The following PITPNM3 variants were observed in gnomAD, a reference collection of about 807,000 sequenced individuals.
The protein encoded by PITPNM3 is PITPNM family member 3.
PITPNM3 carries 26 observed loss-of-function variants against 102.0 expected under a neutral mutation model. That is an observed-to-expected ratio of 0.25 (90% CI 0.19 to 0.35). The LOEUF is 0.35. PITPNM3 is among the 10% of genes least tolerant of loss of function. PITPNM3 has a pLI of 1.00. For synonymous variants in PITPNM3, 578 were observed against 558.6 expected (o/e 1.03, Z -0.49); for missense variants, 1,083 against 1,346.1 (o/e 0.80, Z 3.06).
intron 4 of PITPNM3, among the ~76,000 whole-genome samples, chr17:6,486,630 T>G (rs1424243424): frequency 6.6e-6 from 1 of 152,228 alleles, no homozygotes; most frequent in African/African-American, 2.4e-5. Flanking sequence ...AAACTCGTCC[T>G]GGGGCCCGGC....
intron 2 of PITPNM3, among the ~76,000 whole-genome samples, chr17:6,536,858 C>T (rs565674648): frequency 6.6e-6 from 1 of 152,310 alleles, no homozygotes. Flanking sequence ...CAGAGTGGGG[C>T]CACGCAGGCC....
chr17:6,532,811 G>A (rs1456812741), intron 2 of PITPNM3, among the ~76,000 whole-genome samples: 2 of 151,908 alleles, frequency 1.3e-5, no homozygotes, highest in African/African-American at 4.8e-5. Context: ...TTTTTCTTGG[G>A]GAAATGCCAA....
rs892851831 is a variant in PITPNM3 at position 6,517,523 on chromosome 17, T to A, written c.226+7833A>T. 2.0e-5 allele frequency among the ~76,000 whole-genome samples: 3 copies of A among 152,156 alleles called. No homozygotes were observed. The highest frequency in any genetic ancestry group is 7.2e-5 in the African/African-American group (3 of 41,432). ...GGATAGCATAGATAGAGCTACTGAC[T>A]TAATCCAAACCCTGGTAGAAAATGC... On this transcript the variant is annotated intron_variant, in intron 3 of 19. Coordinates refer to ENST00000262483, the MANE Select transcript of PITPNM3 (RefSeq NM_031220.4). The surrounding 1 kb of genome is among the most constrained non-coding windows in gnomAD (Gnocchi z 4.1).
At chr17:6,486,810 T>C (rs1906121773) in intron 4 of PITPNM3, among the ~76,000 whole-genome samples, 1 of 152,246 alleles carries the variant, frequency 6.6e-6, no homozygotes, top group Non-Finnish European at 1.5e-5. Flanking sequence ...GCACTTATTA[T>C]GTCCTGGGCA....
chr17:6,514,334 C>G (rs1237946761), intron 3 of PITPNM3, among the ~76,000 whole-genome samples: 1 of 151,656 alleles, frequency 6.6e-6, no homozygotes, highest in Non-Finnish European at 1.5e-5. Flanking sequence ...TAAAGACAAC[C>G]CACAAAATGG....
At chr17:6,498,552 C>CGGGAGGCA (rs886499499) in intron 4 of PITPNM3, among the ~76,000 whole-genome samples, 8 of 152,058 alleles carry the variant, frequency 5.3e-5, no homozygotes, top group East Asian at 3.9e-4. Flanking sequence ...GCAGGGAGGC[C>CGGGAGGCA]GGGAGGCAGG....
At chr17:6,495,298 A>C (rs1490065930) in intron 4 of PITPNM3, among the ~76,000 whole-genome samples, 1 of 152,080 alleles carries the variant, frequency 6.6e-6, no homozygotes, top group Non-Finnish European at 1.5e-5. Context: ...TTTAGATACC[A>C]ATTTATATCT....
chr17:6,470,240 C>G lies in PITPNM3; in HGVS notation c.1773+20G>C. On this transcript the variant is annotated intron_variant, in intron 13 of 19. Transcript: ENST00000262483. The surrounding 1 kb of genome is among the most constrained non-coding windows in gnomAD (Gnocchi z 4.8). ...CCCTTGGGGTGGCTGTGGGCAGGCC[C>G]GCGACTGCGGCAGCAGTACCTGTCT... 6.3e-7 allele frequency: 1 copy of G among 1,585,028 alleles called. No homozygotes were observed. The highest frequency in any genetic ancestry group is 8.6e-7 in the Non-Finnish European group (1 of 1,165,476).
intron 10 of PITPNM3, among the ~76,000 whole-genome samples, chr17:6,473,840 C>T (rs1597369518): frequency 6.6e-6 from 1 of 151,864 alleles, no homozygotes; most frequent in Non-Finnish European, 1.5e-5. Flanking sequence ...AGCTGGGCGT[C>T]ATGGTGGGTG....
chr17:6,505,103 G>C (rs931356066), intron 3 of PITPNM3, among the ~76,000 whole-genome samples: 1 of 151,592 alleles, frequency 6.6e-6, no homozygotes, highest in African/African-American at 2.4e-5. Flanking sequence ...TTGAACCCAG[G>C]AGGTGGAGGT....
chr17:6,452,997 TTCCTTTC>T lies in PITPNM3; in HGVS notation c.*2334_*2340del, dbSNP rs879109172. On this transcript the variant is annotated 3_prime_UTR_variant, in exon 20 of 20. Coordinates refer to ENST00000262483, the MANE Select transcript of PITPNM3 (RefSeq NM_031220.4). ...CTCTTCCTCTCTCTCTCTCTCTGTC[TTCCTTTC>T]TCTCTCTCTCTCTCTCTCTGCCTTC... 16 of 73,036 alleles carry T rather than the reference TTCCTTTC, an allele frequency of 2.2e-4. No homozygotes were observed. The South Asian group carries it at 8.7e-3, about 40-fold the overall frequency. The allele number at this position is 73,036 out of a possible 1,614,324, so 4.5% of individuals were successfully genotyped here.
intron 5 of PITPNM3, 45 bp from the exon 6 acceptor site, chr17:6,483,797 G>T: frequency 6.4e-7 from 1 of 1,554,100 alleles, no homozygotes; most frequent in Non-Finnish European, 8.8e-7. Flanking sequence ...GGCGGCTGGG[G>T]TCGGGGGAGG....
intron 14 of PITPNM3, among the ~76,000 whole-genome samples, chr17:6,467,029 C>T (rs1450685263): frequency 7.2e-6 from 1 of 139,164 alleles, no homozygotes; most frequent in Non-Finnish European, 1.5e-5. Context: ...CACCACTGCA[C>T]TCCAGCCTGG....
At chr17:6,488,844 T>C (rs980837073) in intron 4 of PITPNM3, among the ~76,000 whole-genome samples, 7 of 152,178 alleles carry the variant, frequency 4.6e-5, no homozygotes, top group African/African-American at 1.2e-4. Context: ...TTCCTGTTAA[T>C]TTCTGTTTGC....
intron 3 of PITPNM3, among the ~76,000 whole-genome samples, chr17:6,522,650 G>T (rs1045063430): frequency 6.6e-6 from 1 of 152,172 alleles, no homozygotes; most frequent in Non-Finnish European, 1.5e-5. Context: ...GCAGGGGAGG[G>T]GGGCCTGGAA....
chr17:6,493,892 G>A (rs1906644256), intron 4 of PITPNM3, among the ~76,000 whole-genome samples: 1 of 152,230 alleles, frequency 6.6e-6, no homozygotes, highest in Non-Finnish European at 1.5e-5. Flanking sequence ...GGGGATCCCA[G>A]TTCAGATCAG....
intron 3 of PITPNM3, among the ~76,000 whole-genome samples, chr17:6,506,074 C>A (rs12939585): frequency 0.24 from 36,429 of 151,858 alleles, 4,675 homozygotes; most frequent in East Asian, 0.38. Context: ...GGAAGGAAGG[C>A]AGGAAGCCCA....
At position 6,457,854 on chromosome 17, in the gene PITPNM3, C is replaced by A. The variant is rs149247929; in HGVS notation, c.2491-132G>T. 7.8e-4 allele frequency: 1,020 copies of A among 1,309,550 alleles called. 4 individuals carry two copies. In the Middle Eastern group the frequency reaches 7.9e-3, roughly 10 times the overall value. 81.1% of individuals were successfully genotyped at this position (1,309,550 alleles called of 1,614,324 possible). A position where few individuals can be genotyped will look rare whatever the true frequency, so the allele number is the denominator to read the frequency against. Reference sequence around the variant, plus strand: ...CTCTGGTAGACTCCAAGCCATGGGGCCACCCTGTGTCAGGAATGAACCCTC... The same window carrying A: ...CTCTGGTAGACTCCAAGCCATGGGGACACCCTGTGTCAGGAATGAACCCTC... On this transcript the variant is annotated intron_variant, in intron 18 of 19. Transcript: ENST00000262483. This position sits in a 1 kb window ranked among gnomAD's most constrained non-coding sequence, Gnocchi z 4.7.
In PITPNM3 at chr17:6,454,957, G is replaced by A. The variant is rs1317974772; in HGVS notation, c.*381C>T. On this transcript the variant is annotated 3_prime_UTR_variant, in exon 20 of 20. Transcript: ENST00000262483. ...CCAGCGGCGCTTGGTGCCGAGGCTG[G>A]GGCTGCCCCCTTGAGGGCCTGCCTA... 1 of 250,472 alleles carries A rather than the reference G, an allele frequency of 4.0e-6. No individual in the cohort carries two copies. The highest frequency in any genetic ancestry group is 7.7e-6 in the Non-Finnish European group (1 of 130,604). The allele number at this position is 250,472 out of a possible 1,614,324, so 15.5% of individuals were successfully genotyped here.
Sources: allele counts gnomAD v4.1 joint callset (sites outside exome capture counted in the v4.1 genomes callset), GRCh38; gene constraint gnomAD v4.1.1; non-coding constraint Gnocchi (gnomAD v3.1); transcripts MANE v1.5; gene names NCBI Gene and HGNC (gene_info 2026-07-23, HGNC 2026-07-21).